Variants in DGKB observed in about 807,000 individuals in gnomAD.
The protein encoded by DGKB is diacylglycerol kinase beta, also known as 90 kDa diacylglycerol kinase.
Under a neutral mutation model 114.3 loss-of-function variants are expected in DGKB, and 67 were observed. The ratio of observed to expected loss-of-function variants is 0.59; its 90% CI spans 0.48 to 0.72. The LOEUF (loss-of-function observed/expected upper bound fraction) is 0.72. DGKB is among the 30% of genes least tolerant of loss of function. DGKB has a pLI of 0.00. For missense variants in DGKB, 907 were observed against 975.2 expected, an observed-to-expected ratio of 0.93 and a Z score of 0.93; for synonymous variants, 398 against 323.1, an observed-to-expected ratio of 1.23 and a Z score of -2.49.
At chr7:14,347,262 G>A (rs1383998191) in intron 21 of DGKB, among the ~76,000 whole-genome samples, 1 of 151,856 alleles carries the variant, frequency 6.6e-6, no homozygotes, top group East Asian at 1.9e-4. Context: ...TTTTTGTTAG[G>A]ATGGCTATTT....
chr7:14,183,480 AC>A (rs201264666), intron 23 of DGKB, among the ~76,000 whole-genome samples: 2,135 of 152,316 alleles, frequency 0.014, 36 homozygotes, highest in African/African-American at 0.042. Context: ...GAAGGAACAT[AC>A]AATCCAATTG....
intron 1 of DGKB, among the ~76,000 whole-genome samples, chr7:14,893,324 G>A (rs1378513915): frequency 6.6e-6 from 1 of 151,380 alleles, no homozygotes; most frequent in Non-Finnish European, 1.5e-5. Flanking sequence ...ATCCAACAGT[G>A]ATGATTACTT....
chr7:14,432,565 A>T (rs1000286563), intron 21 of DGKB, among the ~76,000 whole-genome samples: 1 of 152,156 alleles, frequency 6.6e-6, no homozygotes, highest in African/African-American at 2.4e-5. Context: ...ACTGTCAGTT[A>T]GTCTTCATGG....
intron 23 of DGKB, among the ~76,000 whole-genome samples, chr7:14,262,028 T>C (rs1796853777): frequency 6.6e-6 from 1 of 152,188 alleles, no homozygotes; most frequent in South Asian, 2.1e-4. Context: ...CTGGGTTGTG[T>C]GGTGAATAAT....
At chr7:14,820,991 T>G (rs1844853097) in intron 2 of DGKB, among the ~76,000 whole-genome samples, 1 of 152,128 alleles carries the variant, frequency 6.6e-6, no homozygotes, top group Non-Finnish European at 1.5e-5. Context: ...GAATTGTCTG[T>G]CCTCTCTAGG....
chr7:14,678,289 A>G (rs1013829995), intron 12 of DGKB, among the ~76,000 whole-genome samples: 1 of 152,072 alleles, frequency 6.6e-6, no homozygotes, highest in Non-Finnish European at 1.5e-5. Context: ...TGTGAAACCA[A>G]TGGAGAGCAT....
chr7:14,316,225 T>A lies in DGKB; in HGVS notation c.2122+22290A>T, dbSNP rs1383250648. On this transcript the variant is annotated intron_variant, in intron 23 of 25. Transcript: ENST00000402815. ...ACCCTAACATCACAATTAAAAGAAC[T>A]AGAAAAGCAAGAGCAAACACATTCC... Among the ~76,000 whole-genome samples the A allele has an allele frequency of 5.9e-5, 9 of 151,498 alleles. No homozygotes were observed. The East Asian group carries it at 1.8e-3, about 30-fold the overall frequency.
At chr7:14,775,412 C>A (rs550826054) in intron 2 of DGKB, among the ~76,000 whole-genome samples, 25 of 151,076 alleles carry the variant, frequency 1.7e-4, no homozygotes, top group Non-Finnish European at 3.0e-4. Flanking sequence ...GAAATCTCAT[C>A]TTGAATTATA....
At chr7:14,251,857 A>T (rs918294543) in intron 23 of DGKB, among the ~76,000 whole-genome samples, 1 of 152,160 alleles carries the variant, frequency 6.6e-6, no homozygotes, top group African/African-American at 2.4e-5. Context: ...TTTCTGTTGA[A>T]AAATGCACTG....
At chr7:14,553,455 A>C (rs895610981) in intron 20 of DGKB, among the ~76,000 whole-genome samples, 3 of 152,232 alleles carry the variant, frequency 2.0e-5, no homozygotes, top group Non-Finnish European at 4.4e-5. Context: ...AAGTAAGTGA[A>C]GGAAAGGAAA....
At chr7:14,549,554 A>G (rs1434775135) in intron 20 of DGKB, among the ~76,000 whole-genome samples, 1 of 152,176 alleles carries the variant, frequency 6.6e-6, no homozygotes, top group African/African-American at 2.4e-5. Flanking sequence ...GAAATCAGAA[A>G]TTCTGGTTCA....
At chr7:14,903,808 G>T (rs530959752), upstream of DGKB, among the ~76,000 whole-genome samples, 1 of 152,272 alleles carries the variant, frequency 6.6e-6, no homozygotes, top group South Asian at 2.1e-4. Flanking sequence ...CAATAATCAA[G>T]ATTTTTGTGG....
chr7:14,602,562 C>T (rs1210903900), intron 17 of DGKB, among the ~76,000 whole-genome samples: 8 of 152,126 alleles, frequency 5.3e-5, no homozygotes, highest in Non-Finnish European at 1.2e-4. Flanking sequence ...TTGAGGAAAC[C>T]AGCCAGCTGT....
Position 14,616,851 on chromosome 7 carries a change from G to C in DGKB, c.1285-3438C>G, listed in dbSNP as rs947939067. Among the ~76,000 whole-genome samples, 4 of 151,732 alleles carry C rather than the reference G, an allele frequency of 2.6e-5. No homozygotes were observed. The South Asian group carries it at 8.3e-4, about 31-fold the overall frequency. On this transcript the variant is annotated intron_variant, in intron 15 of 25. Coordinates refer to ENST00000402815, the MANE Select transcript of DGKB (RefSeq NM_001350709.2). The stretch of plus-strand genomic sequence containing the variant: ...ACACACAAAAATACTGATGAAGAGA[G>C]AAAGTGTCTAGGAAAGATTTTATAG...
At chr7:14,267,165 GA>G (rs1265809388) in intron 23 of DGKB, among the ~76,000 whole-genome samples, 1 of 151,966 alleles carries the variant, frequency 6.6e-6, no homozygotes, top group Non-Finnish European at 1.5e-5. Context: ...TTGACCAAAA[GA>G]AAAAAACAGA....
chr7:14,220,047 A>G (rs1219224835), intron 23 of DGKB, among the ~76,000 whole-genome samples: 1 of 151,692 alleles, frequency 6.6e-6, no homozygotes, highest in Non-Finnish European at 1.5e-5. Context: ...TTACACAAAT[A>G]TAGATGATAT....
chr7:14,360,290 A>C (rs901268173), intron 21 of DGKB, among the ~76,000 whole-genome samples: 2 of 152,030 alleles, frequency 1.3e-5, no homozygotes, highest in African/African-American at 4.8e-5. Context: ...AGGGAGAGGA[A>C]TATCACACAC....
chr7:14,771,688 A>C (rs911617524), intron 2 of DGKB, among the ~76,000 whole-genome samples: 9 of 152,124 alleles, frequency 5.9e-5, no homozygotes, highest in Non-Finnish European at 1.2e-4. Context: ...GGAAAAAATC[A>C]AAATATATTT....
At chr7:14,279,139 G>A (rs1037989903) in intron 23 of DGKB, among the ~76,000 whole-genome samples, 7 of 152,168 alleles carry the variant, frequency 4.6e-5, no homozygotes, top group African/African-American at 7.2e-5. Context: ...CTGGAAAATC[G>A]GGTCACTCCC....
Sources: gnomAD v4.1 joint callset for allele counts (sites outside exome capture counted in the v4.1 genomes callset) on GRCh38, gnomAD v4.1.1 for gene constraint, MANE v1.5 for transcripts, NCBI Gene and HGNC (gene_info 2026-07-23, HGNC 2026-07-21) for gene names.